DLC1: variants seen among roughly 807,000 people sequenced by gnomAD.
DLC1 encodes the protein DLC1 Rho GTPase activating protein.
Under a neutral mutation model 140.3 loss-of-function variants are expected in DLC1, and 54 were observed. The observed-to-expected ratio is 0.38, with a 90% CI of 0.31 to 0.48. The LOEUF is 0.48. Ranked by LOEUF, DLC1 falls within the 20% of genes least tolerant of loss-of-function variation. DLC1 has a pLI of 0.96. For synonymous variants in DLC1, 986 were observed against 728.1 expected (o/e 1.35, Z -5.70); for missense variants, 2,536 against 1,907.0 (o/e 1.33, Z -6.14).
chr8:13,097,881 T>C (rs1818638802), intron 10 of DLC1, among the ~76,000 whole-genome samples: 1 of 151,966 alleles, frequency 6.6e-6, no homozygotes, highest in Non-Finnish European at 1.5e-5. Context: ...ATATCAAATG[T>C]GGCCTCAAGA....
rs879097128 is a variant in DLC1, at chr8:13,514,776, C to T, written c.-300G>A. The stretch of plus-strand genomic sequence containing the variant: ...GTGAGTCTAACAAAAACACCCTCTG[C>T]AGCTGGAGGGAGCCTTAGCTAAGGC... On this transcript the variant is annotated 5_prime_UTR_variant, in exon 1 of 18. Coordinates refer to ENST00000276297, the MANE Select transcript of DLC1 (RefSeq NM_182643.3). 1.5e-5 allele frequency: 6 copies of T among 396,760 alleles called. No individual in the cohort carries two copies. In the Admixed American group the frequency reaches 2.6e-4, roughly 18 times the overall value. The allele number at this position is 396,760 out of a possible 1,614,324, so 24.6% of individuals were successfully genotyped here. A position where few individuals can be genotyped will look rare whatever the true frequency, so the allele number is the denominator to read the frequency against.
At chr8:13,104,354 A>AAAG (rs1819373308) in intron 7 of DLC1, among the ~76,000 whole-genome samples, 1 of 151,740 alleles carries the variant, frequency 6.6e-6, no homozygotes, top group Non-Finnish European at 1.5e-5. Context: ...TACTTACAAA[A>AAAG]AAAAAAAAAA....
intron 8 of DLC1, 125 bp from the exon 9 acceptor site, chr8:13,100,895 A>C: frequency 1.0e-6 from 1 of 989,748 alleles, no homozygotes; most frequent in South Asian, 2.9e-5. Context: ...TCATGATTTT[A>C]ATTTTAAAGT....
Position 13,276,619 on chromosome 8 carries a change from A to G in DLC1, c.1348+28650T>C. 3 of 1,222,066 alleles carry G rather than the reference A, an allele frequency of 2.5e-6. No individual in the cohort carries two copies. The South Asian group carries it at 1.0e-4, about 42-fold the overall frequency. 75.7% of individuals were successfully genotyped at this position (1,222,066 alleles called of 1,614,324 possible). ...TGGAAAGACTTACCCTGCGCCGGCG[A>G]CACCCTCGCGGGGCGCGCGAGCTGC... On this transcript the variant is annotated intron_variant, in intron 5 of 17. Coordinates refer to ENST00000276297, the MANE Select transcript of DLC1 (RefSeq NM_182643.3).
chr8:13,538,437 C>T (rs1246863777), intron 1 of DLC1, among the ~76,000 whole-genome samples: 1 of 151,594 alleles, frequency 6.6e-6, no homozygotes, highest in Non-Finnish European at 1.5e-5. Flanking sequence ...ATGGTGTCAA[C>T]AACAGCTGTG....
chr8:13,143,812 C>CAGAGAGAG (rs1194741154), intron 5 of DLC1, among the ~76,000 whole-genome samples: 1 of 53,606 alleles, frequency 1.9e-5, no homozygotes, highest in African/African-American at 7.5e-5. Flanking sequence ...AAATGAAAAG[C>CAGAGAGAG]TGAGAGAGAG....
At chr8:13,593,979 G>A (rs1805604679) in intron 1 of DLC1, among the ~76,000 whole-genome samples, 1 of 152,080 alleles carries the variant, frequency 6.6e-6, no homozygotes, top group Admixed American at 6.6e-5. Flanking sequence ...GGGCAACTTA[G>A]TGAGACCCTG....
At chr8:13,452,446 A>T (rs1799109706) in intron 2 of DLC1, among the ~76,000 whole-genome samples, 1 of 152,178 alleles carries the variant, frequency 6.6e-6, no homozygotes, top group African/African-American at 2.4e-5. Context: ...AAATATTCAG[A>T]TAGCCTCATG....
rs1837744905 is a variant in DLC1 at position 13,410,708 on chromosome 8, T to TA, written c.1024-9090dup. ...GTAAAAGACTGAATAAATGGAAAGATATATACTTGCTCTGGAGAGGAAAGT... is the reference window on the plus strand; with the variant it reads ...GTAAAAGACTGAATAAATGGAAAGATAATATACTTGCTCTGGAGAGGAAAGT... On this transcript the variant is annotated intron_variant, in intron 2 of 17. Coordinates refer to ENST00000276297, the MANE Select transcript of DLC1 (RefSeq NM_182643.3). Among the ~76,000 whole-genome samples the TA allele has an allele frequency of 2.0e-5, 3 of 151,936 alleles. No homozygotes were observed. In the South Asian group the frequency reaches 6.2e-4, roughly 31 times the overall value.
Position 13,499,124 on chromosome 8 carries a change from C to A in DLC1, c.948G>T (p.Met316Ile). The change falls in exon 2 of 18, where the codon ATG (methionine) becomes ATT (isoleucine). Residue 316 changes from methionine to isoleucine, a missense_variant. By Grantham distance (10) the Met-to-Ile change is conservative. Coordinates refer to ENST00000276297, the MANE Select transcript of DLC1 (RefSeq NM_182643.3). ...SPPKVKAEDG[M>I]QCLQLKETLA... ...GGGTCTCCTTTAATTGTAAACACTGCATGCCATCTTCTGCCTTGACCTTTG... is the reference window on the plus strand; with the variant it reads ...GGGTCTCCTTTAATTGTAAACACTGAATGCCATCTTCTGCCTTGACCTTTG... 6.2e-7 allele frequency: 1 copy of A among 1,614,170 alleles called. No homozygotes were observed. The highest frequency in any genetic ancestry group is 8.5e-7 in the Non-Finnish European group (1 of 1,180,008).
intron 2 of DLC1, among the ~76,000 whole-genome samples, chr8:13,418,351 T>C (rs1376517934): frequency 6.6e-6 from 1 of 152,238 alleles, no homozygotes; most frequent in Admixed American, 6.5e-5. Context: ...GTTTTAGGTC[T>C]AACGTTTCAG....
In DLC1 at chr8:13,578,791, C is replaced by A. The variant is rs182564675; in HGVS notation, c.-126+25746G>T. ...CTCCAGGTGTCCCACCCTCCAGGTA[C>A]CCCCATGTGTTCAACAACCCAGAAG... On this transcript the variant is annotated intron_variant, in intron 1 of 1. Transcript: ENST00000631382. 3.3e-3 allele frequency among the ~76,000 whole-genome samples: 509 copies of A among 152,064 alleles called. 4 individuals carry two copies. The highest frequency in any genetic ancestry group is 0.014 in the South Asian group (66 of 4,808).
intron 1 of DLC1, among the ~76,000 whole-genome samples, chr8:13,602,965 G>T (rs1314430444): frequency 6.6e-6 from 1 of 151,778 alleles, no homozygotes; most frequent in Non-Finnish European, 1.5e-5. Flanking sequence ...CTTTGTGCTG[G>T]GTTGAAAACT....
intron 2 of DLC1, among the ~76,000 whole-genome samples, chr8:13,423,862 G>C (rs912086954): frequency 6.6e-6 from 1 of 152,172 alleles, no homozygotes; most frequent in African/African-American, 2.4e-5. Context: ...TATTCTAAAC[G>C]TCCTTGTGGA....
At chr8:13,591,174 G>T (rs935646709) in intron 1 of DLC1, among the ~76,000 whole-genome samples, 4 of 152,006 alleles carry the variant, frequency 2.6e-5, no homozygotes, top group African/African-American at 9.7e-5. Flanking sequence ...AAATAGAATG[G>T]AAACAATCTT....
chr8:13,298,676 A>G (rs73560596), intron 5 of DLC1, among the ~76,000 whole-genome samples: 11,778 of 152,214 alleles, frequency 0.077, 521 homozygotes, highest in South Asian at 0.1. Flanking sequence ...CCTGGGAAAT[A>G]AGTCATTAAA....
At chr8:13,369,739 C>T (rs1038365283) in intron 4 of DLC1, among the ~76,000 whole-genome samples, 2 of 152,110 alleles carry the variant, frequency 1.3e-5, no homozygotes, top group African/African-American at 4.8e-5. Context: ...TGGAGGGTTA[C>T]ACTTGCCTCC....
chr8:13,324,308 C>T (rs1359848073), intron 4 of DLC1, among the ~76,000 whole-genome samples: 1 of 152,202 alleles, frequency 6.6e-6, no homozygotes, highest in Non-Finnish European at 1.5e-5. Flanking sequence ...GTGGCTCACG[C>T]CTCTAATCCC....
intron 4 of DLC1, among the ~76,000 whole-genome samples, chr8:13,386,845 T>C (rs1472696570): frequency 1.3e-5 from 2 of 152,052 alleles, no homozygotes; most frequent in South Asian, 2.1e-4. Context: ...TAAAAAGCTA[T>C]AAATTTTGCC....
Sources: allele counts gnomAD v4.1 joint callset (sites outside exome capture counted in the v4.1 genomes callset), GRCh38; gene constraint gnomAD v4.1.1; transcripts MANE v1.5; gene names NCBI Gene and HGNC (gene_info 2026-07-23, HGNC 2026-07-21).